EVC2: variants seen among roughly 807,000 people sequenced by gnomAD.
The protein encoded by EVC2 is EvC ciliary complex subunit 2.
EVC2 carries 148 observed loss-of-function variants against 149.3 expected under a neutral mutation model. That is an observed-to-expected ratio of 0.99 (90% confidence interval 0.87 to 1.14). The LOEUF is 1.14. EVC2 is among the 50% of genes most tolerant of loss of function. The pLI is 0.00. For synonymous variants in EVC2, 776 were observed against 649.9 expected, an observed-to-expected ratio of 1.19 and a Z score of -2.95; for missense variants, 1,854 against 1,627.3, an observed-to-expected ratio of 1.14 and a Z score of -2.40.
At chr4:5,654,199 G>A (rs996993911) in intron 9 of EVC2, among the ~76,000 whole-genome samples, 28 of 152,222 alleles carry the variant, frequency 1.8e-4, no homozygotes, top group African/African-American at 6.0e-4. Flanking sequence ...GAGTGACAGA[G>A]TGAGACTCCG....
intron 16 of EVC2, among the ~76,000 whole-genome samples, chr4:5,592,474 C>T (rs749086): frequency 2.8e-4 from 43 of 152,164 alleles, no homozygotes; most frequent in African/African-American, 9.4e-4. Context: ...GAGAGCCCCG[C>T]CAAATACCAG....
rs1423158276 is a variant in EVC2, at chr4:5,625,947, A to C, written c.1887-39T>G. Reference sequence around the variant, plus strand: ...ATGTAAAGTTAGGAATGTGGTCTCCAAACTCACCTGTAGCTTAACTGCTAT... The same window carrying C: ...ATGTAAAGTTAGGAATGTGGTCTCCCAACTCACCTGTAGCTTAACTGCTAT... On this transcript the variant is annotated intron_variant, in intron 12 of 21. Transcript: ENST00000344408. The surrounding 1 kb of genome is among the most constrained non-coding windows in gnomAD (Gnocchi z 4.0). 2 of 1,612,194 alleles carry C rather than the reference A, an allele frequency of 1.2e-6. No homozygotes were observed. The highest frequency in any genetic ancestry group is 1.7e-6 in the Non-Finnish European group (2 of 1,179,192).
Position 5,565,197 on chromosome 4 carries a change from T to C in EVC2, c.3659+61A>G, listed in dbSNP as rs878994293. On this transcript the variant is annotated intron_variant, in intron 21 of 21. Transcript: ENST00000344408. Reference sequence around the variant, plus strand: ...CTTGTCACCTCCTGCCTCCCCAGCCTGGCCCACAGGCAGCTTAGCTCACCC... The same window carrying C: ...CTTGTCACCTCCTGCCTCCCCAGCCCGGCCCACAGGCAGCTTAGCTCACCC... 3 of 1,539,424 alleles carry C rather than the reference T, an allele frequency of 1.9e-6. No homozygotes were observed. The African/African-American group carries it at 4.1e-5, about 21-fold the overall frequency.
chr4:5,639,652 T>C (rs1717168822), intron 10 of EVC2, among the ~76,000 whole-genome samples: 1 of 152,212 alleles, frequency 6.6e-6, no homozygotes. Context: ...TTCAGGTTTT[T>C]CTGACTCTAG....
intron 21 of EVC2, among the ~76,000 whole-genome samples, chr4:5,545,010 G>C (rs564459966): frequency 6.6e-6 from 1 of 152,250 alleles, no homozygotes; most frequent in East Asian, 1.9e-4. Flanking sequence ...ACCCTTCACT[G>C]ACACAGCCTG....
intron 5 of EVC2, among the ~76,000 whole-genome samples, 151 bp downstream of exon 5, chr4:5,688,999 CTTTTTTT>C (rs1720918787): frequency 6.6e-6 from 1 of 152,112 alleles, no homozygotes; most frequent in East Asian, 1.9e-4. Flanking sequence ...TCTCTTTTCT[CTTTTTTT>C]GATACCCTGA....
At position 5,650,622 on chromosome 4, in the gene EVC2, TATATATATATATATATAGAGAGAG is replaced by T. The variant is rs1315245745; in HGVS notation, c.1146-9808_1146-9785del. ...TAATCGCCATATATATATATATATA[TATATATATATATATATAGAGAGAG>T]AGAGAGAGAGAGAGAGAGAGAGAGA... On this transcript the variant is annotated intron_variant, in intron 9 of 21. Coordinates refer to ENST00000344408, the MANE Select transcript of EVC2 (RefSeq NM_147127.5). Among the ~76,000 whole-genome samples the T allele has an allele frequency of 6.0e-3, 520 of 86,478 alleles. 4 individuals are homozygous for T. Among genetic ancestry groups the T allele is most frequent in the African/African-American group, 0.019 (490 of 25,310 alleles). 56.7% of individuals were successfully genotyped at this position (86,478 alleles called of 152,430 possible).
At chr4:5,649,507 TTTC>T (rs1189850035) in intron 9 of EVC2, among the ~76,000 whole-genome samples, 5 of 152,350 alleles carry the variant, frequency 3.3e-5, no homozygotes, top group East Asian at 1.9e-4. Context: ...TTCTTCTTTC[TTTC>T]TTCTTATTTC....
chr4:5,632,078 T>C, intron 10 of EVC2, 46 bp from the exon 11 acceptor site: 1 of 1,610,464 alleles, frequency 6.2e-7, no homozygotes, highest in Non-Finnish European at 8.5e-7. Context: ...ACACTGAACA[T>C]GCACCTACAT....
chr4:5,609,452 C>T (rs1714652755), intron 16 of EVC2, among the ~76,000 whole-genome samples: 1 of 152,212 alleles, frequency 6.6e-6, no homozygotes, highest in Non-Finnish European at 1.5e-5. Flanking sequence ...ATTCTCTTGG[C>T]ACCTGCCACA....
intron 21 of EVC2, among the ~76,000 whole-genome samples, chr4:5,551,064 G>A (rs1165405804): frequency 6.6e-6 from 1 of 152,232 alleles, no homozygotes; most frequent in Non-Finnish European, 1.5e-5. Flanking sequence ...GGCCCTCATG[G>A]AGAACCTCTG....
chr4:5,602,871 G>C (rs1444815926), intron 16 of EVC2, among the ~76,000 whole-genome samples: 1 of 152,156 alleles, frequency 6.6e-6, no homozygotes, highest in African/African-American at 2.4e-5. Context: ...AGCAAAGCAA[G>C]CATGCTATTT....
the EVC2 span, among the ~76,000 whole-genome samples, chr4:5,530,634 C>A: frequency 6.6e-6 from 1 of 152,140 alleles, no homozygotes; most frequent in Non-Finnish European, 1.5e-5. Flanking sequence ...TTAGGTTAGA[C>A]TTATTCATCC....
At chr4:5,688,457 C>T (rs185498030) in intron 5 of EVC2, among the ~76,000 whole-genome samples, 1 of 152,310 alleles carries the variant, frequency 6.6e-6, no homozygotes, top group Admixed American at 6.5e-5. Flanking sequence ...CCAGTCTCTT[C>T]ATCTGTAAAT....
chr4:5,535,691 G>A, the EVC2 span, among the ~76,000 whole-genome samples: 1 of 151,590 alleles, frequency 6.6e-6, no homozygotes, highest in Non-Finnish European at 1.5e-5. This position sits in a 1 kb window ranked among gnomAD's most constrained non-coding sequence, Gnocchi z 4.7. Context: ...CACCATGGGG[G>A]CCCCACCCTC....
At chr4:5,602,801 T>C (rs952251650) in intron 16 of EVC2, among the ~76,000 whole-genome samples, 1 of 152,154 alleles carries the variant, frequency 6.6e-6, no homozygotes, top group African/African-American at 2.4e-5. Flanking sequence ...CCTCATCTTT[T>C]ATAAAGGAAA....
In EVC2 at chr4:5,633,982, G is replaced by A. The variant is rs1716728253; in HGVS notation, c.1471-1950C>T. ...TTCAGAATCTGGGCCAGAAAGACAA[G>A]CATTATTTAGAGCCTTCTAAAGAGG... On this transcript the variant is annotated intron_variant, in intron 10 of 21. Transcript: ENST00000344408. This position sits in a 1 kb window ranked among gnomAD's most constrained non-coding sequence, Gnocchi z 4.4. 6.6e-6 allele frequency among the ~76,000 whole-genome samples: 1 copy of A among 152,224 alleles called. No individual in the cohort carries two copies. Among genetic ancestry groups the A allele is most frequent in the African/African-American group, 2.4e-5 (1 of 41,456 alleles).
rs1560234946 is a variant in EVC2, at chr4:5,696,447, C to A, written c.283+1146G>T. The stretch of plus-strand genomic sequence containing the variant: ...TAGGCACAGAACCCAGACAACCCCA[C>A]CCAGTGGCCCCAGGGATAGGTTCAG... On this transcript the variant is annotated intron_variant, in intron 2 of 21. Coordinates refer to ENST00000344408, the MANE Select transcript of EVC2 (RefSeq NM_147127.5). This position sits in a 1 kb window ranked among gnomAD's most constrained non-coding sequence, Gnocchi z 4.1. Among the ~76,000 whole-genome samples, 1 of 152,172 alleles carries A rather than the reference C, an allele frequency of 6.6e-6. No individual in the cohort carries two copies. The highest frequency in any genetic ancestry group is 6.5e-5 in the Admixed American group (1 of 15,280).
chr4:5,653,903 T>C (rs193297541), intron 9 of EVC2, among the ~76,000 whole-genome samples: 64 of 152,258 alleles, frequency 4.2e-4, no homozygotes, highest in African/African-American at 1.5e-3. Flanking sequence ...GGAGCTGCAA[T>C]GGGAACTTGA....
Sources: allele counts gnomAD v4.1 joint callset (sites outside exome capture counted in the v4.1 genomes callset), GRCh38; gene constraint gnomAD v4.1.1; non-coding constraint Gnocchi (gnomAD v3.1); transcripts MANE v1.5; gene names NCBI Gene and HGNC (gene_info 2026-07-23, HGNC 2026-07-21).